The following COXFA4 variants were observed in gnomAD, a reference collection of about 807,000 sequenced individuals.
COXFA4 encodes the protein cytochrome c oxidase subunit FA4.
At chr7:10,935,905 T>C in the COXFA4 span, among the ~76,000 whole-genome samples, 11 of 152,214 alleles carry the variant, frequency 7.2e-5, no homozygotes, top group African/African-American at 2.7e-4. Flanking sequence ...TTCATTCCAA[T>C]TCTAAGGTGA....
the COXFA4 span, chr7:10,933,702 GAA>G: frequency 5.6e-6 from 9 of 1,597,166 alleles, no homozygotes; most frequent in Non-Finnish European, 7.7e-6. Context: ...ACTTGGAACA[GAA>G]AAAAAGATAT....
chr7:10,936,793 G>C, the COXFA4 span, among the ~76,000 whole-genome samples: 2 of 152,124 alleles, frequency 1.3e-5, no homozygotes, highest in Admixed American at 6.5e-5. Flanking sequence ...TACCAGCACT[G>C]GGGGGTTGAG....
At chr7:10,939,242 C>T in the COXFA4 span, 1 of 234,520 alleles carries the variant, frequency 4.3e-6, no homozygotes. Context: ...AATTTTCTGG[C>T]TTCCTTTATC....
chr7:10,935,301 C>T, the COXFA4 span, among the ~76,000 whole-genome samples: 11 of 152,326 alleles, frequency 7.2e-5, 1 homozygote, highest in Middle Eastern at 3.4e-3. Flanking sequence ...CAGTTTAATG[C>T]TGGCTACTTT....
At chr7:10,933,350 C>T in the COXFA4 span, 2 of 372,006 alleles carry the variant, frequency 5.4e-6, no homozygotes, top group African/African-American at 2.1e-5. Flanking sequence ...AGCTTAAAGT[C>T]GTATTTTCAA....
chr7:10,934,336 T>G, the COXFA4 span, among the ~76,000 whole-genome samples: 11 of 148,480 alleles, frequency 7.4e-5, no homozygotes, highest in African/African-American at 2.8e-4. Flanking sequence ...TATAATCAAT[T>G]AATATTAATT....
the COXFA4 span, among the ~76,000 whole-genome samples, chr7:10,934,889 T>C: frequency 5.9e-5 from 9 of 152,084 alleles, no homozygotes; most frequent in South Asian, 2.1e-4. Flanking sequence ...ACCTAGACAA[T>C]AAGGTTAAAA....
chr7:10,938,338 G>A, the COXFA4 span: 1 of 567,790 alleles, frequency 1.8e-6, no homozygotes, highest in Non-Finnish European at 3.1e-6. Flanking sequence ...AAAAAAGGTA[G>A]AACACAGAAT....
the COXFA4 span, chr7:10,939,083 G>T: frequency 3.8e-6 from 2 of 533,220 alleles, no homozygotes; most frequent in African/African-American, 3.8e-5. Flanking sequence ...TCTAAAGAAA[G>T]AAATGGAATT....
the COXFA4 span, chr7:10,932,178 T>C: frequency 6.6e-6 from 1 of 150,972 alleles, no homozygotes; most frequent in African/African-American, 2.4e-5. Context: ...TTGTCTGTAG[T>C]GGCAGAGCCC....
the COXFA4 span, chr7:10,933,537 ATT>A: frequency 1.1e-6 from 1 of 874,582 alleles, no homozygotes; most frequent in Non-Finnish European, 1.9e-6. Context: ...GATTTCATGC[ATT>A]TAGAGGAGAA....
At chr7:10,934,127 G>A in the COXFA4 span, among the ~76,000 whole-genome samples, 1 of 152,006 alleles carries the variant, frequency 6.6e-6, no homozygotes, top group Non-Finnish European at 1.5e-5. Flanking sequence ...GTAATTTAGA[G>A]GGAGAGATCC....
At chr7:10,937,987 T>C in the COXFA4 span, 1 of 910,620 alleles carries the variant, frequency 1.1e-6, no homozygotes, top group South Asian at 1.3e-5. Flanking sequence ...AAGTTCAATA[T>C]AATGGAATTT....
the COXFA4 span, chr7:10,938,987 A>G: frequency 1.0e-6 from 1 of 999,192 alleles, no homozygotes; most frequent in Non-Finnish European, 1.6e-6. Flanking sequence ...ATTGATTTCC[A>G]AGTCTCAAAC....
At chr7:10,935,982 T>G in the COXFA4 span, among the ~76,000 whole-genome samples, 1 of 152,194 alleles carries the variant, frequency 6.6e-6, no homozygotes, top group African/African-American at 2.4e-5. Context: ...GACCACATAA[T>G]GGTCCAAGAG....
the COXFA4 span, among the ~76,000 whole-genome samples, chr7:10,936,056 C>G: frequency 6.6e-6 from 1 of 152,116 alleles, no homozygotes; most frequent in Admixed American, 6.6e-5. Context: ...AATCTGATGT[C>G]AGTGGGCCAG....
chr7:10,934,376 T>TAAAA, the COXFA4 span, among the ~76,000 whole-genome samples: 20,085 of 126,482 alleles, frequency 0.16, 1,892 homozygotes, highest in African/African-American at 0.27. Context: ...GTGATTGCTT[T>TAAAA]AAAAAAAAAA....
the COXFA4 span, chr7:10,932,963 CAA>C: frequency 2.1e-4 from 26 of 120,994 alleles, no homozygotes; most frequent in Non-Finnish European, 2.5e-4. Flanking sequence ...GAGACTATCT[CAA>C]AAAAAAAAAA....
chr7:10,936,043 T>C, the COXFA4 span, among the ~76,000 whole-genome samples: 2 of 152,072 alleles, frequency 1.3e-5, no homozygotes, highest in African/African-American at 4.8e-5. Flanking sequence ...AAGTCACAAA[T>C]CAAATCTGAT....
Sources: allele counts gnomAD v4.1 joint callset (sites outside exome capture counted in the v4.1 genomes callset), GRCh38; gene constraint gnomAD v4.1.1; transcripts MANE v1.5; gene names NCBI Gene and HGNC (gene_info 2026-07-23, HGNC 2026-07-21).